The following CNTN4 variants were observed in gnomAD, a reference collection of about 807,000 sequenced individuals.
CNTN4 encodes the protein contactin-4.
A neutral mutation model predicts 122.5 loss-of-function variants in CNTN4; 77 were observed. The ratio of observed to expected loss-of-function variants is 0.63; its 90% CI spans 0.52 to 0.76. CNTN4 has a LOEUF of 0.76. Among genes scored for constraint, CNTN4 ranks in the 30% least tolerant of loss-of-function variants. The probability of loss-of-function intolerance (pLI) is 0.00; values close to 1 mark genes in which losing one functional copy is unlikely to be tolerated. For missense variants in CNTN4, 1,256 were observed against 1,259.1 expected, an observed-to-expected ratio of 1.00 and a Z score of 0.04; for synonymous variants, 512 against 447.0, an observed-to-expected ratio of 1.15 and a Z score of -1.83.
At chr3:3,009,594 C>T (rs571778547) in intron 14 of CNTN4, among the ~76,000 whole-genome samples, 26 of 90,628 alleles carry the variant, frequency 2.9e-4, no homozygotes, top group South Asian at 2.1e-3. Flanking sequence ...CCACCACGCC[C>T]GGCTAATTTT....
At chr3:3,025,172 A>G (rs1346713998) in intron 14 of CNTN4, among the ~76,000 whole-genome samples, 1 of 152,174 alleles carries the variant, frequency 6.6e-6, no homozygotes, top group East Asian at 1.9e-4. Context: ...GTAGTTTTGG[A>G]GTTCATAAAC....
chr3:2,339,342 G>C (rs1460275554), intron 3 of CNTN4, 109 bp downstream of exon 3: 2 of 152,054 alleles, frequency 1.3e-5, no homozygotes, highest in Admixed American at 6.6e-5. Flanking sequence ...GATAGCATGA[G>C]ATTGTTTTTG....
intron 6 of CNTN4, among the ~76,000 whole-genome samples, chr3:2,818,623 A>T (rs979808617): frequency 2.0e-5 from 3 of 152,204 alleles, no homozygotes; most frequent in African/African-American, 7.2e-5. Context: ...GGTGGAAGAA[A>T]AAAACGTTTC....
At chr3:2,346,377 T>C (rs985877475) in intron 3 of CNTN4, among the ~76,000 whole-genome samples, 2 of 152,106 alleles carry the variant, frequency 1.3e-5, no homozygotes, top group African/African-American at 4.8e-5. Flanking sequence ...TTCTTCCTCT[T>C]AGTAATTATT....
chr3:2,196,787 G>T (rs1285813255), intron 2 of CNTN4, among the ~76,000 whole-genome samples: 1 of 151,944 alleles, frequency 6.6e-6, no homozygotes, highest in Admixed American at 6.6e-5. Context: ...GCTCGCTCCT[G>T]TAATCCCAGC....
intron 7 of CNTN4, among the ~76,000 whole-genome samples, chr3:2,830,061 A>G (rs1181422878): frequency 1.3e-5 from 2 of 152,368 alleles, no homozygotes; most frequent in Non-Finnish European, 2.9e-5. Flanking sequence ...AATAGCAGAA[A>G]TAAATTTCAG....
chr3:2,416,197 G>A (rs1038463226), intron 3 of CNTN4, among the ~76,000 whole-genome samples: 1 of 151,998 alleles, frequency 6.6e-6, no homozygotes, highest in African/African-American at 2.4e-5. Context: ...TTTCCTCATA[G>A]TGATCATTCC....
At chr3:2,123,397 C>T (rs973693118) in intron 2 of CNTN4, among the ~76,000 whole-genome samples, 22 of 152,166 alleles carry the variant, frequency 1.4e-4, no homozygotes, top group African/African-American at 5.3e-4. Context: ...AATCACTTGG[C>T]TTTACTAATT....
At chr3:2,970,619 G>A (rs1192289772) in intron 13 of CNTN4, among the ~76,000 whole-genome samples, 1 of 151,742 alleles carries the variant, frequency 6.6e-6, no homozygotes, top group Non-Finnish European at 1.5e-5. Flanking sequence ...GCTAATTTTT[G>A]TATTTTTTGC....
chr3:2,778,998 G>A (rs144869573), intron 6 of CNTN4, among the ~76,000 whole-genome samples: 2 of 152,248 alleles, frequency 1.3e-5, no homozygotes, highest in East Asian at 1.9e-4. Flanking sequence ...ACTCTTTACT[G>A]TGTTAGCCTC....
intron 2 of CNTN4, among the ~76,000 whole-genome samples, chr3:2,187,815 C>T (rs1461818669): frequency 6.6e-6 from 1 of 152,122 alleles, no homozygotes; most frequent in African/African-American, 2.4e-5. Flanking sequence ...TGTTTTCTCT[C>T]AGCTCAGATT....
chr3:2,491,809 C>T (rs932144831), intron 3 of CNTN4, among the ~76,000 whole-genome samples: 18 of 152,140 alleles, frequency 1.2e-4, no homozygotes, highest in African/African-American at 2.2e-4. Context: ...GACATTTTCT[C>T]GAATCTTCCG....
intron 3 of CNTN4, among the ~76,000 whole-genome samples, chr3:2,526,769 T>TA (rs921057258): frequency 6.6e-6 from 1 of 152,136 alleles, no homozygotes; most frequent in Non-Finnish European, 1.5e-5. Flanking sequence ...TAAATAGGCA[T>TA]ACATCCATGC....
chr3:2,169,144 G>T (rs1433586070), intron 2 of CNTN4, among the ~76,000 whole-genome samples: 1 of 152,122 alleles, frequency 6.6e-6, no homozygotes, highest in Non-Finnish European at 1.5e-5. Flanking sequence ...ATTAAAAATT[G>T]TAGACCAGCT....
At chr3:2,118,401 G>A (rs868420870) in intron 2 of CNTN4, among the ~76,000 whole-genome samples, 3 of 152,180 alleles carry the variant, frequency 2.0e-5, no homozygotes, top group South Asian at 4.1e-4. Flanking sequence ...ACTTTGTGAA[G>A]CACATTTTAT....
chr3:2,695,161 G>A (rs1254420316), intron 4 of CNTN4, among the ~76,000 whole-genome samples: 1 of 152,186 alleles, frequency 6.6e-6, no homozygotes, highest in Admixed American at 6.6e-5. Context: ...GCAGACCCCA[G>A]AGAAAGAGTT....
intron 2 of CNTN4, among the ~76,000 whole-genome samples, chr3:2,211,447 C>T (rs544177578): frequency 2.0e-5 from 3 of 152,058 alleles, no homozygotes; most frequent in Non-Finnish European, 2.9e-5. Context: ...CTACCGTATG[C>T]GTTGTGTAGT....
At chr3:2,612,781 A>G (rs4370011) in intron 4 of CNTN4, among the ~76,000 whole-genome samples, 70,577 of 151,978 alleles carry the variant, frequency 0.46, 17,134 homozygotes, top group Middle Eastern at 0.54. Flanking sequence ...CAACATATAG[A>G]CATTTAATTT....
intron 3 of CNTN4, among the ~76,000 whole-genome samples, chr3:2,346,968 A>G (rs1379201160): frequency 6.6e-6 from 1 of 150,840 alleles, no homozygotes; most frequent in Non-Finnish European, 1.5e-5. Flanking sequence ...ACATATTTGG[A>G]CCATTTATTT....
Sources: gnomAD v4.1 joint callset for allele counts (sites outside exome capture counted in the v4.1 genomes callset) on GRCh38, gnomAD v4.1.1 for gene constraint, MANE v1.5 for transcripts, NCBI Gene and HGNC (gene_info 2026-07-23, HGNC 2026-07-21) for gene names.